Variants in MACF1 observed in about 807,000 individuals in gnomAD.
MACF1 encodes the protein microtubule-actin cross-linking factor 1.
Under a neutral mutation model 854.8 loss-of-function variants are expected in MACF1, and 193 were observed. The observed-to-expected ratio is 0.23, with a 90% CI of 0.20 to 0.25. The LOEUF (loss-of-function observed/expected upper bound fraction) is 0.25, where lower values mean the gene tolerates loss of function less well. Among genes scored for constraint, MACF1 ranks in the 10% least tolerant of loss-of-function variants. MACF1 has a pLI of 1.00. For missense variants in MACF1, 7,722 were observed against 8,929.1 expected, an observed-to-expected ratio of 0.86 and a Z score of 5.45; for synonymous variants, 3,185 against 3,226.7, an observed-to-expected ratio of 0.99 and a Z score of 0.44.
intron 2 of MACF1, among the ~76,000 whole-genome samples, chr1:39,120,348 A>G (rs1220850146): frequency 6.6e-6 from 1 of 151,928 alleles, no homozygotes; most frequent in Non-Finnish European, 1.5e-5. Context: ...TATTTTAATT[A>G]TTTTGATTGT....
intron 32 of MACF1, 94 bp from the exon 33 acceptor site, chr1:39,322,816 A>ACCAGAATGTT: frequency 6.7e-7 from 1 of 1,493,906 alleles, no homozygotes; most frequent in Admixed American, 1.7e-5. Context: ...TTTCTGGTGA[A>ACCAGAATGTT]CATGTGACTG....
intron 1 of MACF1, among the ~76,000 whole-genome samples, chr1:39,218,257 A>G (rs1054849877): frequency 6.6e-6 from 1 of 151,486 alleles, no homozygotes; most frequent in Non-Finnish European, 1.5e-5. Context: ...TTTAGGAACT[A>G]TTGGCCTAAC....
intron 2 of MACF1, among the ~76,000 whole-genome samples, chr1:39,107,427 T>C (rs1471447017): frequency 4.6e-5 from 7 of 152,070 alleles, no homozygotes; most frequent in Non-Finnish European, 1.0e-4. Context: ...GGTCTCTTTC[T>C]TGAGGGGAGG....
intron 26 of MACF1, among the ~76,000 whole-genome samples, chr1:39,312,400 A>G (rs973363019): frequency 1.3e-5 from 2 of 152,190 alleles, no homozygotes; most frequent in Non-Finnish European, 2.9e-5. Flanking sequence ...ACATAATAAC[A>G]TTCCTTTTTT....
At chr1:39,473,676 C>T (rs1447706357) in intron 97 of MACF1, among the ~76,000 whole-genome samples, 3 of 143,924 alleles carry the variant, frequency 2.1e-5, no homozygotes, top group East Asian at 4.2e-4. Flanking sequence ...ATGAAGGTTG[C>T]GAGATCCATT....
intron 52 of MACF1, among the ~76,000 whole-genome samples, chr1:39,374,882 G>A (rs1002737001): frequency 7.2e-5 from 11 of 152,066 alleles, no homozygotes; most frequent in African/African-American, 1.9e-4. Context: ...AGGCCGAGAC[G>A]GGTGGATCAT....
At chr1:39,427,404 G>T in intron 61 of MACF1, 51 bp from the exon 62 acceptor site, 1 of 1,554,678 alleles carries the variant, frequency 6.4e-7, no homozygotes, top group Non-Finnish European at 8.8e-7. Context: ...ACTATTACCA[G>T]TTTTAATGTG....
At position 39,349,619 on chromosome 1, in the gene MACF1, G is replaced by T; in HGVS notation, c.10957G>T (p.Asp3653Tyr). The change falls in exon 42 of 101, where the codon GAC becomes TAC. Residue 3653 changes from aspartate to tyrosine, a missense_variant. Coordinates refer to ENST00000564288, the MANE Select transcript of MACF1 (RefSeq NM_001394062.1). ...DLSALQKNQS[D>Y]LKDLQDDIQN... ...CTCTGCTTTGCAGAAGAACCAAAGT[G>T]ACTTGAAGGTCAGTGTGAATCTGTC... is the stretch of plus-strand genomic sequence containing the variant. 1 of 1,613,940 alleles carries T rather than the reference G, an allele frequency of 6.2e-7. No homozygotes were observed. The highest frequency in any genetic ancestry group is 8.5e-7 in the Non-Finnish European group (1 of 1,179,928).
rs1351443816 is a variant in MACF1 at position 39,251,933 on chromosome 1, G to A, written c.349G>A (p.Asp117Asn). 6.6e-7 allele frequency: 1 copy of A among 1,512,610 alleles called. No individual in the cohort carries two copies. The highest frequency in any genetic ancestry group is 1.2e-5 in the South Asian group (1 of 80,500). The allele number at this position is 1,512,610 out of a possible 1,614,324, so 93.7% of individuals were successfully genotyped here. Residue 117 changes from aspartate to asparagine, a missense_variant, in exon 4 of 101, where the codon GAT (aspartate) becomes AAT (asparagine). Physicochemically the swap from Asp to Asn is conservative, Grantham distance 23. Around this residue, in one of 15 missense-constraint regions of MACF1, gnomAD observed 82 missense variants for 84.0 expected, o/e 0.98. Transcript: ENST00000564288. ...CGAGGAGCAGGCGGAGGAAGATGATGATGATGTAGTAGGTCCTCCTGGGGA... is the reference window on the plus strand; with the variant it reads ...CGAGGAGCAGGCGGAGGAAGATGATAATGATGTAGTAGGTCCTCCTGGGGA... ...NNEEQAEEDD[D>N]DVPREKGRMR...
chr1:39,333,192 C>G lies in MACF1; in HGVS notation c.6604C>G (p.Gln2202Glu). The G allele has an allele frequency of 6.2e-7, 1 of 1,612,552 alleles. No homozygotes were observed. The highest frequency in any genetic ancestry group is 8.5e-7 in the Non-Finnish European group (1 of 1,179,746). Residue 2202 changes from glutamine to glutamate, a missense_variant, in exon 37 of 101, where the codon CAG becomes GAG. Around this residue, in one of 15 missense-constraint regions of MACF1, gnomAD observed 1,531 missense variants for 1,601.6 expected, o/e 0.96. Coordinates refer to ENST00000564288, the MANE Select transcript of MACF1 (RefSeq NM_001394062.1). ...IKPQSKKLQV[Q>E]VKKTLGIKLE... ...ACCCCAAAGCAAAAAGTTACAAGTT[C>G]AGGTAAAGAAAACTCTAGGTATAAA...
chr1:39,459,496 C>A (rs1644508479), intron 91 of MACF1, among the ~76,000 whole-genome samples: 1 of 152,098 alleles, frequency 6.6e-6, no homozygotes, highest in African/African-American at 2.4e-5. Context: ...AACAGCCAGT[C>A]CATAATGAGG....
intron 49 of MACF1, among the ~76,000 whole-genome samples, chr1:39,363,651 C>G (rs1184741811): frequency 1.3e-5 from 2 of 148,834 alleles, no homozygotes; most frequent in African/African-American, 5.0e-5. Context: ...GCTCTGTTGC[C>G]CAGGCTGAAG....
chr1:39,351,080 TAA>T, intron 43 of MACF1, 62 bp downstream of exon 43: 1 of 1,219,786 alleles, frequency 8.2e-7, no homozygotes, highest in Non-Finnish European at 1.2e-6. Flanking sequence ...CCAACACAAA[TAA>T]AAGACAGTGA....
chr1:39,250,068 A>C lies in MACF1; in HGVS notation c.226A>C (p.Ile76Leu). The C allele has an allele frequency of 6.2e-7, 1 of 1,613,842 alleles. No homozygotes were observed. Among genetic ancestry groups the C allele is most frequent in the South Asian group, 1.1e-5 (1 of 91,060 alleles). Residue 76 changes from isoleucine to leucine, a missense_variant, in exon 3 of 101, where the codon ATC (isoleucine) becomes CTC (leucine). By Grantham distance (5) the Ile-to-Leu change is conservative (BLOSUM62 2). This residue lies in a region of MACF1 where 82 missense variants were observed against 84.0 expected (regional missense o/e 0.98). Transcript: ENST00000564288. The stretch of plus-strand genomic sequence containing the variant: ...AGATCTGCGGGATGGCCATAACCTG[A>C]TCTCTCTGTTGGAGGTCCTCTCAGG... ...YEDLRDGHNL[I>L]SLLEVLSGIK... is the part of the protein sequence containing the mutation.
intron 22 of MACF1, among the ~76,000 whole-genome samples, chr1:39,300,843 A>G (rs1383632602): frequency 2.0e-5 from 3 of 152,106 alleles, no homozygotes; most frequent in Non-Finnish European, 4.4e-5. Context: ...TCAGGAGTTC[A>G]AGACCAGCTT....
At chr1:39,095,926 T>G (rs1641926205) in intron 2 of MACF1, among the ~76,000 whole-genome samples, 1 of 150,896 alleles carries the variant, frequency 6.6e-6, no homozygotes. Context: ...CCCAACACTT[T>G]GGGAGGCCAA....
In MACF1 at chr1:39,379,432, T is replaced by C. The variant is rs199786125; in HGVS notation, c.13506T>C (p.Ala4502=). The C allele has an allele frequency of 2.5e-6, 4 of 1,613,520 alleles. No homozygotes were observed. In the African/African-American group the frequency reaches 4.0e-5, roughly 16 times the overall value. The change falls in exon 54 of 101, where the codon GCT becomes GCC. Residue 4502 remains alanine, a synonymous_variant. Transcript: ENST00000564288. ...PTKTETVKAQ[A]ESNKAFLAEL... is the part of the protein sequence containing the mutation. ...AGACAGAAACAGTGAAAGCCCAAGC[T>C]GAATCTAACAAGGTACTGTGTTTAC...
At position 39,336,114 on chromosome 1, in the gene MACF1, G is replaced by T. The variant is rs769901375; in HGVS notation, c.9526G>T (p.Val3176Leu). 7 of 1,614,022 alleles carry T rather than the reference G, an allele frequency of 4.3e-6. No homozygotes were observed. In the South Asian group the frequency reaches 7.7e-5, roughly 18 times the overall value. Residue 3176 changes from valine to leucine, a missense_variant, in exon 37 of 101, where the codon GTA becomes TTA. By Grantham distance (32) the Val-to-Leu change is conservative. Coordinates refer to ENST00000564288, the MANE Select transcript of MACF1 (RefSeq NM_001394062.1). ...ATGTAAAGAAAAGTCATACCAAGAA[G>T]TATCTTTTGACCCAGCAAGAGGTCT... is the stretch of plus-strand genomic sequence containing the variant. The part of the protein sequence containing the change: ...NECKEKSYQE[V>L]SFDPARGLKL...
chr1:39,323,769 T>G (rs576648342), intron 33 of MACF1, among the ~76,000 whole-genome samples: 2 of 152,354 alleles, frequency 1.3e-5, no homozygotes, highest in East Asian at 3.9e-4. Flanking sequence ...TACCATCTTT[T>G]GCTTTTTAAA....
Sources: allele counts gnomAD v4.1 joint callset (sites outside exome capture counted in the v4.1 genomes callset), GRCh38; gene constraint gnomAD v4.1.1; regional missense constraint gnomAD v4.1.1; transcripts MANE v1.5; gene names NCBI Gene and HGNC (gene_info 2026-07-23, HGNC 2026-07-21).